PNLDC1: variants seen among roughly 807,000 people sequenced by gnomAD.
The protein encoded by PNLDC1 is PARN like ribonuclease domain containing exonuclease 1, also known as poly(A)-specific ribonuclease PNLDC1.
In PNLDC1, 70 loss-of-function variants were observed where a neutral mutation model predicts 82.0. The observed-to-expected ratio is 0.85, with a 90% CI of 0.70 to 1.04. The LOEUF is 1.04. Ranked by LOEUF, PNLDC1 falls within the 50% of genes least tolerant of loss-of-function variation. The pLI is 0.00. For missense variants in PNLDC1, 631 were observed against 661.1 expected (o/e 0.95, Z 0.50); for synonymous variants, 280 against 249.3 (o/e 1.12, Z -1.16).
chr6:159,800,503 C>A, intron 1 of PNLDC1, 120 bp downstream of exon 1: 1 of 1,327,690 alleles, frequency 7.5e-7, no homozygotes, highest in Non-Finnish European at 1.0e-6. Flanking sequence ...TCGGGAAGGA[C>A]AGGGGGGCTT....
intron 15 of PNLDC1, among the ~76,000 whole-genome samples, chr6:159,818,272 C>T (rs1781904350): frequency 6.6e-6 from 1 of 152,194 alleles, no homozygotes; most frequent in African/African-American, 2.4e-5. Flanking sequence ...CGCACTGATT[C>T]TCTGAGCCTA....
rs371508421 is a variant in PNLDC1 at position 159,808,691 on chromosome 6, A to G, written c.563-49A>G. Reference sequence around the variant, plus strand: ...CTCCAGGGCTTCTCTTGTGGGGAACATGCCACACGGTTCCAGGTGCTGTGT... The same window carrying G: ...CTCCAGGGCTTCTCTTGTGGGGAACGTGCCACACGGTTCCAGGTGCTGTGT... On this transcript the variant is annotated intron_variant, in intron 7 of 18. Coordinates refer to ENST00000392167, the MANE Select transcript of PNLDC1 (RefSeq NM_001271862.2). The G allele has an allele frequency of 1.8e-4, 281 of 1,534,138 alleles. No individual in the cohort carries two copies. In the African/African-American group the frequency reaches 2.7e-3, roughly 15 times the overall value.
chr6:159,817,148 A>G lies in PNLDC1; in HGVS notation c.1154A>G (p.Tyr385Cys), dbSNP rs199524919. The change falls in exon 15 of 19, where the codon TAC becomes TGC. Residue 385 changes from tyrosine to cysteine, a missense_variant. Tyr to Cys is a radical substitution (Grantham distance 194). Transcript: ENST00000392167. ...GCACACTTGCTTCTACAGAAGATAT[A>G]CCAGTAAGTGTTCTTTCTTTTCATC... ...KVAHLLLQKI[Y>C]HIDPVPESSF... The G allele has an allele frequency of 1.4e-5, 23 of 1,611,542 alleles. No individual in the cohort carries two copies. The highest frequency in any genetic ancestry group is 2.2e-5 in the South Asian group (2 of 91,030).
Position 159,820,437 on chromosome 6 carries a change from G to T in PNLDC1, c.1533-17G>T. The T allele has an allele frequency of 1.2e-6, 2 of 1,613,900 alleles. No individual in the cohort carries two copies. Among genetic ancestry groups the T allele is most frequent in the African/African-American group, 1.3e-5 (1 of 75,016 alleles). ...TGCTGGGTGCCCCGGCCACTGACAC[G>T]TGTCATTGTCTTGCAGAGTCTGTGG... On this transcript the variant is annotated splice_polypyrimidine_tract_variant and intron_variant, in intron 18 of 18. Transcript: ENST00000392167.
At chr6:159,809,451 ATTTTTTT>A (rs71904720) in intron 9 of PNLDC1, among the ~76,000 whole-genome samples, 3 of 138,718 alleles carry the variant, frequency 2.2e-5, no homozygotes, top group Non-Finnish European at 4.6e-5. Flanking sequence ...TACCTGGCTA[ATTTTTTT>A]TTTTTTTTTT....
Position 159,803,970 on chromosome 6 carries a change from T to C in PNLDC1, c.254T>C (p.Ile85Thr). Residue 85 changes from isoleucine to threonine, a missense_variant, in exon 5 of 19, where the codon ATA (isoleucine) becomes ACA (threonine). Coordinates refer to ENST00000392167, the MANE Select transcript of PNLDC1 (RefSeq NM_001271862.2). Reference sequence around the variant, plus strand: ...GTATGTTTGTTTTATTATAGGTATATAGCCCATTCTTGTAACTTCTATCTC... The same window carrying C: ...GTATGTTTGTTTTATTATAGGTATACAGCCCATTCTTGTAACTTCTATCTC... ...SAIEGEANKY[I>T]AHSCNFYLFP... 1 of 1,613,566 alleles carries C rather than the reference T, an allele frequency of 6.2e-7. No individual in the cohort carries two copies. Among genetic ancestry groups the C allele is most frequent in the Non-Finnish European group, 8.5e-7 (1 of 1,179,646 alleles).
At position 159,800,802 on chromosome 6, in the gene PNLDC1, C is replaced by G. The variant is rs1466026615; in HGVS notation, c.107C>G (p.Ser36Cys). ...GLDIEFTGLR[S>C]NLSGPQQISL... is the part of the protein sequence containing the mutation. ...GACATAGAGTTCACGGGCCTTCGTT[C>G]TAACCTGTCTGGGCCCCAGCAGATC... The change falls in exon 2 of 19, where the codon TCT (serine) becomes TGT (cysteine). Residue 36 changes from serine to cysteine, a missense_variant. Transcript: ENST00000392167. The G allele has an allele frequency of 6.2e-7, 1 of 1,614,194 alleles. No individual in the cohort carries two copies. Among genetic ancestry groups the G allele is most frequent in the Non-Finnish European group, 8.5e-7 (1 of 1,180,040 alleles).
At position 159,806,097 on chromosome 6, in the gene PNLDC1, G is replaced by A. The variant is rs769376025; in HGVS notation, c.562+14G>A. The A allele has an allele frequency of 6.2e-6, 10 of 1,600,644 alleles. No homozygotes were observed. The highest frequency in any genetic ancestry group is 2.7e-5 in the African/African-American group (2 of 74,620). The stretch of plus-strand genomic sequence containing the variant: ...CTGGGATCACTGGTAGGCAGGGCCT[G>A]TTCCTCCCAACGCAGGAGCATTGGG... On this transcript the variant is annotated intron_variant, in intron 7 of 18. Transcript: ENST00000392167.
At chr6:159,802,261 C>G (rs1329798078) in intron 3 of PNLDC1, among the ~76,000 whole-genome samples, 2 of 152,152 alleles carry the variant, frequency 1.3e-5, no homozygotes, top group African/African-American at 2.4e-5. Context: ...AGACCCTGGG[C>G]CAGATTTTAC....
At chr6:159,803,813 A>G (rs2115027830) in intron 4 of PNLDC1, 152 bp from the exon 5 acceptor site, 1 of 834,646 alleles carries the variant, frequency 1.2e-6, no homozygotes, top group African/African-American at 1.7e-5. Flanking sequence ...TAGCACCCCC[A>G]GTGCCAATCA....
intron 11 of PNLDC1, among the ~76,000 whole-genome samples, 198 bp downstream of exon 11, chr6:159,811,984 T>C (rs1057166956): frequency 2.0e-5 from 3 of 152,062 alleles, no homozygotes; most frequent in African/African-American, 7.2e-5. Context: ...ACTGCAACCT[T>C]TGACTCCCTT....
rs779381322 is a variant in PNLDC1, at chr6:159,819,249, G to A, written c.1434-5G>A. On this transcript the variant is annotated splice_region_variant and splice_polypyrimidine_tract_variant and intron_variant, in intron 17 of 18. Coordinates refer to ENST00000392167, the MANE Select transcript of PNLDC1 (RefSeq NM_001271862.2). The surrounding 1 kb of genome is among the most constrained non-coding windows in gnomAD (Gnocchi z 4.6). ...TGGCTGACCACAGCAAACTTGTTTT[G>A]GCAGTGCGCGGAACATCCTGAAGGA... 4 of 1,613,714 alleles carry A rather than the reference G, an allele frequency of 2.5e-6. No homozygotes were observed. In the South Asian group the frequency reaches 3.3e-5, roughly 13 times the overall value.
chr6:159,805,268 G>T (rs905246063), intron 6 of PNLDC1, among the ~76,000 whole-genome samples: 2 of 152,234 alleles, frequency 1.3e-5, no homozygotes, highest in East Asian at 3.8e-4. Flanking sequence ...CGGACCGGGG[G>T]CCTTGGGGCT....
At chr6:159,800,861 G>T in intron 2 of PNLDC1, 32 bp downstream of exon 2, 1 of 1,613,932 alleles carries the variant, frequency 6.2e-7, no homozygotes, top group East Asian at 2.2e-5. Context: ...CTCTGTATAA[G>T]AGCCTGGCCA....
At chr6:159,814,038 C>G (rs1488910528) in intron 12 of PNLDC1, among the ~76,000 whole-genome samples, 1 of 152,188 alleles carries the variant, frequency 6.6e-6, no homozygotes, top group Non-Finnish European at 1.5e-5. Flanking sequence ...CCTACCTGCC[C>G]CTTCCCGGGG....
chr6:159,804,509 T>G (rs771008848), intron 5 of PNLDC1, 40 bp from the exon 6 acceptor site: 1 of 1,387,146 alleles, frequency 7.2e-7, no homozygotes, highest in Non-Finnish European at 1.0e-6. Flanking sequence ...CCCTCTGACT[T>G]GTCTCCTTGT....
intron 3 of PNLDC1, among the ~76,000 whole-genome samples, chr6:159,802,550 G>A (rs1781299619): frequency 6.6e-6 from 1 of 152,000 alleles, no homozygotes. Flanking sequence ...ATAGGAAACA[G>A]TTGTAGTTAT....
chr6:159,816,657 G>C, intron 14 of PNLDC1, 61 bp downstream of exon 14: 1 of 1,403,636 alleles, frequency 7.1e-7, no homozygotes, highest in Non-Finnish European at 1.0e-6. Flanking sequence ...TCTGAGACAG[G>C]GTCTCACTCT....
At chr6:159,799,775 A>G (rs1781165831), upstream of PNLDC1, among the ~76,000 whole-genome samples, 1 of 152,166 alleles carries the variant, frequency 6.6e-6, no homozygotes, top group African/African-American at 2.4e-5. Context: ...GTGTGAAGAC[A>G]GTGGTAAGGT....
Sources: gnomAD v4.1 joint callset for allele counts (sites outside exome capture counted in the v4.1 genomes callset) on GRCh38, gnomAD v4.1.1 for gene constraint, Gnocchi (gnomAD v3.1) non-coding constraint, MANE v1.5 for transcripts, NCBI Gene and HGNC (gene_info 2026-07-23, HGNC 2026-07-21) for gene names.